ASIC2: variants seen among roughly 807,000 people sequenced by gnomAD.
The protein encoded by ASIC2 is acid sensing ion channel subunit 2.
ASIC2 carries 25 observed loss-of-function variants against 57.3 expected under a neutral mutation model. That is an observed-to-expected ratio of 0.44 (90% CI 0.32 to 0.61). The LOEUF is 0.61. Among genes scored for constraint, ASIC2 ranks in the 20% least tolerant of loss-of-function variants. The pLI is 0.06. For synonymous variants in ASIC2, 319 were observed against 307.5 expected (o/e 1.04, Z -0.39); for missense variants, 641 against 738.1 (o/e 0.87, Z 1.52).
chr17:33,206,108 G>A (rs957306395), intron 1 of ASIC2, among the ~76,000 whole-genome samples: 2 of 152,158 alleles, frequency 1.3e-5, no homozygotes, highest in African/African-American at 4.8e-5. Context: ...AGGCCACCTG[G>A]AGACTCAAAC....
At chr17:33,168,965 C>G (rs1905405323) in intron 1 of ASIC2, among the ~76,000 whole-genome samples, 2 of 152,226 alleles carry the variant, frequency 1.3e-5, no homozygotes, top group African/African-American at 4.8e-5. Flanking sequence ...AAAAAGACCC[C>G]AAAGGCATTT....
rs545800164 is a variant in ASIC2 at position 33,982,287 on chromosome 17, C to T, written c.555+173691G>A. 1.2e-4 allele frequency among the ~76,000 whole-genome samples: 19 copies of T among 152,322 alleles called. No homozygotes were observed. In the South Asian group the frequency reaches 3.7e-3, roughly 30 times the overall value. On this transcript the variant is annotated intron_variant, in intron 1 of 9. Transcript: ENST00000359872. ...CATTAAATGCTCTGCAAGAACATGGCGATCACCCTGCAATTAACTGGTCCC... is the reference window on the plus strand; with the variant it reads ...CATTAAATGCTCTGCAAGAACATGGTGATCACCCTGCAATTAACTGGTCCC...
At chr17:33,432,000 CA>C (rs763712034) in intron 1 of ASIC2, among the ~76,000 whole-genome samples, 1 of 152,096 alleles carries the variant, frequency 6.6e-6, no homozygotes, top group Non-Finnish European at 1.5e-5. Flanking sequence ...AAATCACAGG[CA>C]AGAATGAGAA....
chr17:33,110,469 G>A (rs765937618), intron 2 of ASIC2, among the ~76,000 whole-genome samples: 3 of 152,244 alleles, frequency 2.0e-5, no homozygotes, highest in African/African-American at 4.8e-5. Flanking sequence ...TCCTCAGAGA[G>A]TGGCTGATGG....
intron 1 of ASIC2, among the ~76,000 whole-genome samples, chr17:33,499,641 C>T (rs944073800): frequency 2.6e-5 from 4 of 152,190 alleles, no homozygotes; most frequent in African/African-American, 9.6e-5. Context: ...TACTTTGTTA[C>T]GGAGACCCTG....
chr17:33,928,543 A>T (rs1915869426), intron 1 of ASIC2, among the ~76,000 whole-genome samples: 1 of 152,124 alleles, frequency 6.6e-6, no homozygotes, highest in Non-Finnish European at 1.5e-5. Flanking sequence ...CAAACCATAG[A>T]CTGGGCAGGA....
At chr17:33,037,387 CTCTT>C (rs1283125770) in intron 3 of ASIC2, among the ~76,000 whole-genome samples, 1 of 141,310 alleles carries the variant, frequency 7.1e-6, no homozygotes, top group South Asian at 2.2e-4. Flanking sequence ...CCACTTCCCC[CTCTT>C]TTTTTTTTTT....
At chr17:33,644,294 T>C (rs761642659) in intron 1 of ASIC2, among the ~76,000 whole-genome samples, 3 of 152,244 alleles carry the variant, frequency 2.0e-5, no homozygotes, top group Non-Finnish European at 4.4e-5. Flanking sequence ...TCATTGATTA[T>C]GATGGGCTGT....
intron 1 of ASIC2, among the ~76,000 whole-genome samples, chr17:34,151,043 C>T (rs1394233867): frequency 1.4e-5 from 2 of 144,942 alleles, no homozygotes; most frequent in East Asian, 4.1e-4. Flanking sequence ...GTGGAGGTTG[C>T]AGTGAGCTAA....
chr17:33,539,741 A>G (rs913875293), intron 1 of ASIC2, among the ~76,000 whole-genome samples: 17 of 152,322 alleles, frequency 1.1e-4, no homozygotes, highest in African/African-American at 3.6e-4. Flanking sequence ...CTGGCTGCCA[A>G]CTGTGCCAGG....
chr17:34,065,239 G>C, intron 1 of ASIC2, among the ~76,000 whole-genome samples: 1 of 152,216 alleles, frequency 6.6e-6, no homozygotes, highest in Non-Finnish European at 1.5e-5. Flanking sequence ...AGTTGGATGA[G>C]ATTGGAGACT....
At chr17:33,137,099 C>T (rs1446821429) in intron 1 of ASIC2, among the ~76,000 whole-genome samples, 4 of 152,178 alleles carry the variant, frequency 2.6e-5, no homozygotes, top group African/African-American at 7.2e-5. Context: ...ACGGGACAGC[C>T]GCCTGCTGCT....
upstream of ASIC2, among the ~76,000 whole-genome samples, chr17:33,297,800 G>A (rs1905776367): frequency 6.6e-6 from 1 of 150,910 alleles, no homozygotes; most frequent in Non-Finnish European, 1.5e-5. Context: ...CCAGCCTCGG[G>A]CATCAGAGTG....
chr17:34,043,393 G>A (rs1278630340), intron 1 of ASIC2, among the ~76,000 whole-genome samples: 1 of 152,204 alleles, frequency 6.6e-6, no homozygotes, highest in Non-Finnish European at 1.5e-5. Flanking sequence ...AGGGGGGATG[G>A]GAAGCAGTAA....
At chr17:33,708,319 T>C (rs1908922705) in intron 1 of ASIC2, among the ~76,000 whole-genome samples, 1 of 152,252 alleles carries the variant, frequency 6.6e-6, no homozygotes, top group Non-Finnish European at 1.5e-5. Flanking sequence ...CTTTCTTTGC[T>C]ATGCAAAGTT....
chr17:33,016,090 G>A (rs755819913), intron 8 of ASIC2, 51 bp from the exon 9 acceptor site: 1 of 1,587,404 alleles, frequency 6.3e-7, no homozygotes, highest in East Asian at 2.2e-5. Context: ...GGGTGCAGAG[G>A]CAGAAGGGAC....
chr17:33,331,914 A>G (rs1218901178), intron 1 of ASIC2, among the ~76,000 whole-genome samples: 1 of 152,262 alleles, frequency 6.6e-6, no homozygotes, highest in Non-Finnish European at 1.5e-5. Flanking sequence ...CATTGACTGC[A>G]CATGAACATC....
At chr17:33,722,754 C>A (rs1416971614) in intron 1 of ASIC2, among the ~76,000 whole-genome samples, 3 of 152,066 alleles carry the variant, frequency 2.0e-5, no homozygotes, top group Non-Finnish European at 4.4e-5. Context: ...CAGGGTGAGA[C>A]CCTGTCTCTA....
At chr17:33,355,090 T>G (rs1419207822) in intron 1 of ASIC2, among the ~76,000 whole-genome samples, 2 of 152,124 alleles carry the variant, frequency 1.3e-5, no homozygotes, top group East Asian at 3.9e-4. Context: ...TGGTGCCAGA[T>G]AAAACAAAAA....
Sources: allele counts gnomAD v4.1 joint callset (sites outside exome capture counted in the v4.1 genomes callset), GRCh38; gene constraint gnomAD v4.1.1; transcripts MANE v1.5; gene names NCBI Gene and HGNC (gene_info 2026-07-23, HGNC 2026-07-21).